SCHIP1: variants seen among roughly 807,000 people sequenced by gnomAD.
SCHIP1 encodes schwannomin-interacting protein 1.
SCHIP1 carries 8 observed loss-of-function variants against 29.7 expected under a neutral mutation model. The ratio of observed to expected loss-of-function variants is 0.27; its 90% CI spans 0.16 to 0.49. SCHIP1 has a LOEUF of 0.49. Ranked by LOEUF, SCHIP1 falls within the 20% of genes least tolerant of loss-of-function variation. The pLI, the probability that SCHIP1 is intolerant of heterozygous loss-of-function variation, is 0.99. For missense variants in SCHIP1, 193 were observed against 294.6 expected, an observed-to-expected ratio of 0.66 and a Z score of 2.52; for synonymous variants, 76 against 94.9, an observed-to-expected ratio of 0.80 and a Z score of 1.16.
At chr3:159,557,398 G>T in the SCHIP1 span, among the ~76,000 whole-genome samples, 1 of 152,130 alleles carries the variant, frequency 6.6e-6, no homozygotes, top group Admixed American at 6.5e-5. Context: ...TCTAAGAAAT[G>T]ATCCTATTTG....
the SCHIP1 span, among the ~76,000 whole-genome samples, chr3:159,413,973 T>C: frequency 6.6e-6 from 1 of 152,194 alleles, no homozygotes; most frequent in Non-Finnish European, 1.5e-5. Context: ...ACCCATCCAG[T>C]GGCCTCCTCT....
At chr3:159,753,373 C>T in the SCHIP1 span, among the ~76,000 whole-genome samples, 1 of 151,860 alleles carries the variant, frequency 6.6e-6, no homozygotes, top group African/African-American at 2.4e-5. Flanking sequence ...CTGTTTTTTT[C>T]TCCCCTACCA....
At chr3:159,681,409 C>T in the SCHIP1 span, among the ~76,000 whole-genome samples, 1 of 151,986 alleles carries the variant, frequency 6.6e-6, no homozygotes, top group Non-Finnish European at 1.5e-5. Context: ...TCTTTAAAGT[C>T]TTTGCTGAGA....
the SCHIP1 span, among the ~76,000 whole-genome samples, chr3:159,773,899 A>G: frequency 1.9e-4 from 29 of 152,340 alleles, no homozygotes; most frequent in South Asian, 6.0e-3. Flanking sequence ...AGAAAAGGCT[A>G]GTAGGAAAGT....
the SCHIP1 span, among the ~76,000 whole-genome samples, chr3:159,773,161 T>C: frequency 6.6e-6 from 1 of 152,260 alleles, no homozygotes; most frequent in Non-Finnish European, 1.5e-5. Context: ...GAAAAGGGCG[T>C]TTGCGGGTGC....
the SCHIP1 span, among the ~76,000 whole-genome samples, chr3:159,349,890 T>C: frequency 6.6e-6 from 1 of 152,240 alleles, no homozygotes; most frequent in South Asian, 2.1e-4. Flanking sequence ...ACAGTGGTGT[T>C]GGAAGCTTAA....
chr3:159,389,468 A>G, the SCHIP1 span, among the ~76,000 whole-genome samples: 1 of 152,038 alleles, frequency 6.6e-6, no homozygotes, highest in African/African-American at 2.4e-5. Flanking sequence ...TTGGAGGACA[A>G]TTTGGCTGCT....
the SCHIP1 span, among the ~76,000 whole-genome samples, chr3:159,707,486 A>G: frequency 1.3e-5 from 2 of 152,248 alleles, no homozygotes; most frequent in African/African-American, 4.8e-5. Flanking sequence ...AACTTTAGTG[A>G]TAATCCATAA....
chr3:159,551,243 A>G, the SCHIP1 span, among the ~76,000 whole-genome samples: 5 of 152,210 alleles, frequency 3.3e-5, no homozygotes, highest in African/African-American at 1.2e-4. Flanking sequence ...AGAGTAAATA[A>G]AACAGGGGAA....
the SCHIP1 span, among the ~76,000 whole-genome samples, chr3:159,579,432 G>C: frequency 6.6e-6 from 1 of 152,154 alleles, no homozygotes; most frequent in African/African-American, 2.4e-5. Context: ...CTAGTAAATT[G>C]CTTATAAATT....
chr3:159,690,234 T>G, the SCHIP1 span, among the ~76,000 whole-genome samples: 3 of 152,334 alleles, frequency 2.0e-5, no homozygotes, highest in African/African-American at 7.2e-5. Flanking sequence ...CCTGGACTTT[T>G]TTGGTTGGTA....
chr3:159,734,508 A>G, the SCHIP1 span, among the ~76,000 whole-genome samples: 1 of 151,910 alleles, frequency 6.6e-6, no homozygotes, highest in Non-Finnish European at 1.5e-5. Context: ...CTTCCCAAAC[A>G]TTTCACTCAA....
the SCHIP1 span, among the ~76,000 whole-genome samples, chr3:159,486,551 C>T: frequency 6.6e-6 from 1 of 152,188 alleles, no homozygotes; most frequent in Admixed American, 6.5e-5. Context: ...TTTGTGATTT[C>T]AGGTCTCATG....
At chr3:159,684,602 G>A in the SCHIP1 span, among the ~76,000 whole-genome samples, 23 of 151,902 alleles carry the variant, frequency 1.5e-4, no homozygotes, top group East Asian at 2.5e-3. Flanking sequence ...TCAGGAGATC[G>A]AGACCATCCT....
the SCHIP1 span, among the ~76,000 whole-genome samples, chr3:159,828,382 TATATAC>T: frequency 0.078 from 6,358 of 81,806 alleles, 436 homozygotes; most frequent in Non-Finnish European, 0.09. Context: ...TATACATATA[TATATAC>T]ATATATACGT....
the SCHIP1 span, among the ~76,000 whole-genome samples, chr3:159,495,378 T>C: frequency 4.6e-5 from 7 of 152,016 alleles, no homozygotes; most frequent in Non-Finnish European, 1.0e-4. Context: ...AGCCCAAAAT[T>C]TCCTTAAGCT....
the SCHIP1 span, among the ~76,000 whole-genome samples, chr3:159,482,840 C>T: frequency 4.6e-5 from 7 of 152,116 alleles, no homozygotes; most frequent in Non-Finnish European, 8.8e-5. Context: ...AGTCACATTT[C>T]TGGCAATGCC....
chr3:159,640,331 T>G, the SCHIP1 span, among the ~76,000 whole-genome samples: 1 of 152,156 alleles, frequency 6.6e-6, no homozygotes, highest in Non-Finnish European at 1.5e-5. Flanking sequence ...AGCAACTGTG[T>G]ATGATAGATC....
At chr3:159,552,522 A>C in the SCHIP1 span, among the ~76,000 whole-genome samples, 2 of 152,350 alleles carry the variant, frequency 1.3e-5, no homozygotes, top group Non-Finnish European at 2.9e-5. Context: ...ACTGCAGTAC[A>C]TTCAGCTTTA....
Sources: allele counts gnomAD v4.1 joint callset (sites outside exome capture counted in the v4.1 genomes callset), GRCh38; gene constraint gnomAD v4.1.1; transcripts MANE v1.5; gene names NCBI Gene and HGNC (gene_info 2026-07-23, HGNC 2026-07-21).